ATRNL1: variants seen among roughly 807,000 people sequenced by gnomAD.
ATRNL1 encodes the protein attractin like 1, also known as attractin-like protein 1.
A neutral mutation model predicts 182.7 loss-of-function variants in ATRNL1; 95 were observed. The ratio of observed to expected loss-of-function variants is 0.52; its 90% CI spans 0.44 to 0.62. The LOEUF (loss-of-function observed/expected upper bound fraction) is 0.62. ATRNL1 is among the 20% of genes least tolerant of loss of function. The pLI is 0.00. For missense variants in ATRNL1, 1,471 were observed against 1,679.5 expected, an observed-to-expected ratio of 0.88 and a Z score of 2.17; for synonymous variants, 576 against 568.3, an observed-to-expected ratio of 1.01 and a Z score of -0.19.
At chr10:115,862,953 T>C (rs1555103810) in intron 28 of ATRNL1, among the ~76,000 whole-genome samples, 1 of 152,158 alleles carries the variant, frequency 6.6e-6, no homozygotes, top group Non-Finnish European at 1.5e-5. Flanking sequence ...CATACAGATA[T>C]CTAGAGTGTC....
chr10:115,883,253 C>T (rs910390139), intron 28 of ATRNL1, among the ~76,000 whole-genome samples: 27 of 152,166 alleles, frequency 1.8e-4, no homozygotes, highest in African/African-American at 6.3e-4. Flanking sequence ...ATTTCTTCCC[C>T]CACTATCCTT....
intron 21 of ATRNL1, among the ~76,000 whole-genome samples, chr10:115,433,195 T>C (rs1161514554): frequency 1.3e-5 from 2 of 152,010 alleles, no homozygotes; most frequent in East Asian, 1.9e-4. Flanking sequence ...ATTTTGAGAG[T>C]AGGAAATTTA....
intron 13 of ATRNL1, among the ~76,000 whole-genome samples, chr10:115,280,049 G>T (rs1006277164): frequency 1.3e-5 from 2 of 152,180 alleles, no homozygotes; most frequent in South Asian, 4.1e-4. Flanking sequence ...AGGGATTAGG[G>T]TGATAAATTT....
intron 26 of ATRNL1, among the ~76,000 whole-genome samples, chr10:115,679,439 T>G (rs1555043981): frequency 6.6e-6 from 1 of 151,798 alleles, no homozygotes; most frequent in African/African-American, 2.4e-5. Flanking sequence ...TGCCTGCAGG[T>G]TTTTTTTAGA....
chr10:115,868,171 ATCTTAGTATTTTAGGTAAG>A (rs1172043270), intron 28 of ATRNL1, among the ~76,000 whole-genome samples: 1 of 152,172 alleles, frequency 6.6e-6, no homozygotes, highest in Non-Finnish European at 1.5e-5. Flanking sequence ...AGTGATATGC[ATCTTAGTATTTTAGGTAAG>A]AGAAGACTCT....
intron 19 of ATRNL1, among the ~76,000 whole-genome samples, chr10:115,344,252 G>A (rs1253293199): frequency 6.6e-6 from 1 of 152,148 alleles, no homozygotes; most frequent in Admixed American, 6.5e-5. Context: ...GGGTCCAGAG[G>A]TGCTATACAG....
chr10:115,165,491 C>A, intron 6 of ATRNL1, 67 bp from the exon 7 acceptor site: 1 of 788,248 alleles, frequency 1.3e-6, no homozygotes, highest in Non-Finnish European at 2.0e-6. Context: ...GAATAAAAAG[C>A]ACGTGAAAAT....
At chr10:115,314,681 G>T (rs1244914600) in intron 17 of ATRNL1, among the ~76,000 whole-genome samples, 3 of 152,150 alleles carry the variant, frequency 2.0e-5, no homozygotes, top group Non-Finnish European at 2.9e-5. Flanking sequence ...GTTAAGTAAA[G>T]GTTTAAAACA....
intron 26 of ATRNL1, among the ~76,000 whole-genome samples, chr10:115,648,098 A>T (rs1045843703): frequency 6.6e-6 from 1 of 152,152 alleles, no homozygotes; most frequent in Non-Finnish European, 1.5e-5. Context: ...CAAAGATCAG[A>T]TGGTTGTAGA....
intron 27 of ATRNL1, among the ~76,000 whole-genome samples, chr10:115,738,666 A>C (rs1375292898): frequency 1.3e-5 from 2 of 152,184 alleles, no homozygotes; most frequent in Non-Finnish European, 2.9e-5. Flanking sequence ...TAACATAAAC[A>C]TCGTGAGTTT....
At chr10:115,815,246 G>A (rs1469628631) in intron 27 of ATRNL1, among the ~76,000 whole-genome samples, 13 of 152,204 alleles carry the variant, frequency 8.5e-5, no homozygotes, top group East Asian at 1.9e-4. Context: ...ATCTCCTCCC[G>A]TATTGTGAGA....
chr10:115,857,588 T>A (rs983482014), intron 28 of ATRNL1, among the ~76,000 whole-genome samples: 3 of 152,234 alleles, frequency 2.0e-5, no homozygotes, highest in African/African-American at 4.8e-5. Context: ...CTGACCAGTG[T>A]CACTGTAAAA....
At chr10:115,322,621 A>AC (rs1854640725) in intron 18 of ATRNL1, among the ~76,000 whole-genome samples, 1 of 152,092 alleles carries the variant, frequency 6.6e-6, no homozygotes, top group Non-Finnish European at 1.5e-5. Flanking sequence ...GAGTTGAACT[A>AC]CCGTCTGGGT....
chr10:115,722,027 G>A (rs79395004), intron 26 of ATRNL1, among the ~76,000 whole-genome samples: 1,615 of 152,086 alleles, frequency 0.011, 19 homozygotes, highest in Middle Eastern at 0.024. Flanking sequence ...ATGGAATCTC[G>A]CATTATTAAA....
intron 26 of ATRNL1, among the ~76,000 whole-genome samples, chr10:115,658,249 C>T (rs1468116517): frequency 6.6e-6 from 1 of 151,460 alleles, no homozygotes. Context: ...GCACCTGCCA[C>T]CATGCCTGGC....
intron 5 of ATRNL1, among the ~76,000 whole-genome samples, chr10:115,153,959 C>T (rs1047564218): frequency 6.6e-6 from 1 of 151,388 alleles, no homozygotes; most frequent in Non-Finnish European, 1.5e-5. Flanking sequence ...GCCTTCATTT[C>T]GTTATGTACC....
intron 8 of ATRNL1, among the ~76,000 whole-genome samples, chr10:115,209,263 C>G (rs1200500223): frequency 1.3e-5 from 2 of 151,580 alleles, no homozygotes; most frequent in East Asian, 3.9e-4. Flanking sequence ...CTTCCTACAT[C>G]TTGTGTCATG....
chr10:115,668,460 ATTTAG>A (rs1201029672), intron 26 of ATRNL1, among the ~76,000 whole-genome samples: 1 of 152,132 alleles, frequency 6.6e-6, no homozygotes, highest in Non-Finnish European at 1.5e-5. Flanking sequence ...TTAGCTTTAC[ATTTAG>A]TCTTTATGAT....
At chr10:115,144,216 C>T (rs749226354) in intron 5 of ATRNL1, among the ~76,000 whole-genome samples, 1 of 151,776 alleles carries the variant, frequency 6.6e-6, no homozygotes, top group African/African-American at 2.4e-5. Context: ...GGCGCGATCT[C>T]GGCTCACTGC....
Sources: gnomAD v4.1 joint callset for allele counts (sites outside exome capture counted in the v4.1 genomes callset) on GRCh38, gnomAD v4.1.1 for gene constraint, MANE v1.5 for transcripts, NCBI Gene and HGNC (gene_info 2026-07-23, HGNC 2026-07-21) for gene names.